INPP4B: variants seen among roughly 807,000 people sequenced by gnomAD.
INPP4B encodes the protein inositol polyphosphate-4-phosphatase type II B.
Under a neutral mutation model 122.5 loss-of-function variants are expected in INPP4B, and 55 were observed. That is an observed-to-expected ratio of 0.45 (90% confidence interval 0.36 to 0.56). The LOEUF is 0.56. Among genes scored for constraint, INPP4B ranks in the 20% least tolerant of loss-of-function variants. INPP4B has a pLI of 0.00. For synonymous variants in INPP4B, 403 were observed against 388.7 expected (o/e 1.04, Z -0.43); for missense variants, 1,000 against 1,097.7 (o/e 0.91, Z 1.26).
chr4:142,737,231 C>G (rs1385883684), intron 1 of INPP4B, among the ~76,000 whole-genome samples: 1 of 152,090 alleles, frequency 6.6e-6, no homozygotes, highest in African/African-American at 2.4e-5. Flanking sequence ...GCTACAGTAA[C>G]CAAAACAGCA....
chr4:142,400,548 C>A (rs1801242691), intron 7 of INPP4B, among the ~76,000 whole-genome samples: 1 of 152,052 alleles, frequency 6.6e-6, no homozygotes, highest in African/African-American at 2.4e-5. Context: ...AGATAAAGAC[C>A]ACATGTCCAT....
At chr4:142,777,036 C>T (rs1269692847) in intron 1 of INPP4B, among the ~76,000 whole-genome samples, 2 of 152,256 alleles carry the variant, frequency 1.3e-5, no homozygotes, top group Admixed American at 1.3e-4. Context: ...TTCCCTGCTG[C>T]CTTCTTTACA....
intron 2 of INPP4B, among the ~76,000 whole-genome samples, chr4:142,631,179 A>G (rs1747870020): frequency 6.6e-6 from 1 of 152,098 alleles, no homozygotes; most frequent in East Asian, 1.9e-4. Context: ...TTTTAAAGTG[A>G]CTAAGCTTAT....
At chr4:142,787,860 G>A (rs887782809) in intron 1 of INPP4B, among the ~76,000 whole-genome samples, 22 of 151,994 alleles carry the variant, frequency 1.4e-4, no homozygotes, top group Admixed American at 1.1e-3. Flanking sequence ...AACATTCTGA[G>A]AGACTGGTGT....
intron 1 of INPP4B, among the ~76,000 whole-genome samples, chr4:142,807,513 C>T (rs1362966068): frequency 6.6e-6 from 1 of 152,140 alleles, no homozygotes; most frequent in Non-Finnish European, 1.5e-5. Context: ...GTTTAGACTT[C>T]ATCTTGGAGT....
chr4:142,654,499 C>T (rs1439207036), intron 2 of INPP4B: 2 of 151,318 alleles, frequency 1.3e-5, no homozygotes, highest in African/African-American at 2.4e-5. Flanking sequence ...AGGATAGTTA[C>T]AAACTCTGTG....
chr4:142,353,970 C>G (rs757378278), intron 7 of INPP4B, among the ~76,000 whole-genome samples: 1 of 151,702 alleles, frequency 6.6e-6, no homozygotes, highest in African/African-American at 2.4e-5. Context: ...AAATTTTGTT[C>G]AATAACTCTT....
chr4:142,841,674 C>T (rs976423063), intron 1 of INPP4B, among the ~76,000 whole-genome samples: 45 of 151,808 alleles, frequency 3.0e-4, no homozygotes, highest in African/African-American at 1.1e-3. Context: ...ATAAAAATCT[C>T]GAAGTTCTCC....
intron 23 of INPP4B, among the ~76,000 whole-genome samples, chr4:142,103,396 G>T (rs982370850): frequency 1.3e-4 from 19 of 151,826 alleles, no homozygotes; most frequent in Admixed American, 5.9e-4. Flanking sequence ...ATAAAATATT[G>T]GGTTCTTATC....
intron 1 of INPP4B, among the ~76,000 whole-genome samples, chr4:142,839,749 G>A (rs764018895): frequency 6.6e-6 from 1 of 152,144 alleles, no homozygotes; most frequent in Non-Finnish European, 1.5e-5. Context: ...ATTGAAACTG[G>A]CTGATGGGTA....
intron 23 of INPP4B, among the ~76,000 whole-genome samples, chr4:142,091,348 A>G (rs966598465): frequency 8.5e-5 from 13 of 152,078 alleles, no homozygotes; most frequent in Non-Finnish European, 1.9e-4. Context: ...CTCTGTCCCT[A>G]TTTCCTCAAC....
At chr4:142,203,454 CA>C (rs1240781931) in intron 14 of INPP4B, among the ~76,000 whole-genome samples, 2 of 152,040 alleles carry the variant, frequency 1.3e-5, no homozygotes, top group East Asian at 3.9e-4. Context: ...ATAATATTCA[CA>C]ACTGATGTGC....
At chr4:142,739,079 C>CAA (rs1402534050) in intron 1 of INPP4B, among the ~76,000 whole-genome samples, 2 of 151,974 alleles carry the variant, frequency 1.3e-5, no homozygotes, top group African/African-American at 2.4e-5. Flanking sequence ...AACATAATAA[C>CAA]AAAATAAAAC....
At position 142,028,916 on chromosome 4, in the gene INPP4B, T is replaced by A; in HGVS notation, c.2643-2A>T. 1 of 1,607,726 alleles carries A rather than the reference T, an allele frequency of 6.2e-7. No homozygotes were observed. The highest frequency in any genetic ancestry group is 8.5e-7 in the Non-Finnish European group (1 of 1,177,834). On this transcript the variant is annotated splice_acceptor_variant, in intron 25 of 25. Coordinates refer to ENST00000262992, the MANE Select transcript of INPP4B (RefSeq NM_001101669.3). LOFTEE classifies it high-confidence loss of function. ...ACATTCTCTATGCGGCATCCTTCTCTGGTGAAAGGGGAAAAAGTACAACTT... is the reference window on the plus strand; with the variant it reads ...ACATTCTCTATGCGGCATCCTTCTCAGGTGAAAGGGGAAAAAGTACAACTT...
chr4:142,213,945 AGAT>A (rs1027541157), intron 12 of INPP4B, among the ~76,000 whole-genome samples: 29 of 152,230 alleles, frequency 1.9e-4, no homozygotes, highest in Non-Finnish European at 3.8e-4. Context: ...GCAGTAGGAC[AGAT>A]GATAGAAGAC....
At chr4:142,774,641 C>A (rs1323333728) in intron 1 of INPP4B, among the ~76,000 whole-genome samples, 2 of 152,012 alleles carry the variant, frequency 1.3e-5, no homozygotes, top group Non-Finnish European at 2.9e-5. Flanking sequence ...ATTTTTTAAT[C>A]ATCTGTTCCA....
chr4:142,759,813 T>C (rs1045282832), intron 1 of INPP4B, among the ~76,000 whole-genome samples: 2 of 106,518 alleles, frequency 1.9e-5, no homozygotes, highest in African/African-American at 8.4e-5. Flanking sequence ...AGAGCTTATA[T>C]AGAGCTTTTT....
At chr4:142,546,758 C>T (rs577297808) in intron 2 of INPP4B, among the ~76,000 whole-genome samples, 10 of 152,074 alleles carry the variant, frequency 6.6e-5, no homozygotes, top group South Asian at 2.1e-4. Context: ...TCAACATTAA[C>T]GCAACTTGGA....
intron 23 of INPP4B, among the ~76,000 whole-genome samples, chr4:142,101,414 G>C (rs920286780): frequency 2.6e-5 from 4 of 152,076 alleles, no homozygotes; most frequent in African/African-American, 9.7e-5. Flanking sequence ...TACTTAAGTA[G>C]CTTCAATTCT....
Sources: gnomAD v4.1 joint callset for allele counts (sites outside exome capture counted in the v4.1 genomes callset) on GRCh38, gnomAD v4.1.1 for gene constraint, MANE v1.5 for transcripts, NCBI Gene and HGNC (gene_info 2026-07-23, HGNC 2026-07-21) for gene names.